The following CCDC66 variants were observed in gnomAD, a reference collection of about 807,000 sequenced individuals.
CCDC66 encodes coiled-coil domain-containing protein 66.
A neutral mutation model predicts 128.3 loss-of-function variants in CCDC66; 133 were observed. The observed-to-expected ratio is 1.04, with a 90% CI of 0.90 to 1.20. CCDC66 has a LOEUF of 1.20. CCDC66 is among the 50% of genes most tolerant of loss of function. CCDC66 has a pLI of 0.00. For missense variants in CCDC66, 1,126 were observed against 1,075.5 expected (o/e 1.05, Z -0.66); for synonymous variants, 387 against 357.0 (o/e 1.08, Z -0.95).
At chr3:56,566,281 C>T (rs2065848941) in intron 4 of CCDC66, among the ~76,000 whole-genome samples, 1 of 152,114 alleles carries the variant, frequency 6.6e-6, no homozygotes, top group South Asian at 2.1e-4. Flanking sequence ...CGTGCCACCA[C>T]ACCTACCTAA....
intron 10 of CCDC66, among the ~76,000 whole-genome samples, chr3:56,597,421 C>T (rs576659782): frequency 3.8e-4 from 57 of 151,924 alleles, no homozygotes; most frequent in Non-Finnish European, 7.4e-4. Flanking sequence ...ATTTTTTCTA[C>T]TTCTGTGAAA....
intron 7 of CCDC66, among the ~76,000 whole-genome samples, chr3:56,586,885 A>G (rs2069862697): frequency 1.3e-5 from 2 of 151,802 alleles, no homozygotes; most frequent in Non-Finnish European, 2.9e-5. Context: ...CCCTGCCTCC[A>G]CAACACAAAA....
At chr3:56,569,055 G>A (rs2066268989) in intron 6 of CCDC66, among the ~76,000 whole-genome samples, 1 of 152,192 alleles carries the variant, frequency 6.6e-6, no homozygotes, top group Admixed American at 6.5e-5. Flanking sequence ...AAAGAGATAA[G>A]CAAGACCAGC....
intron 7 of CCDC66, among the ~76,000 whole-genome samples, chr3:56,581,538 G>T (rs897412347): frequency 4.6e-5 from 7 of 151,904 alleles, no homozygotes; most frequent in South Asian, 2.1e-4. Flanking sequence ...CTCCCCATCT[G>T]TGTGGTTTTA....
intron 7 of CCDC66, among the ~76,000 whole-genome samples, chr3:56,582,098 T>G (rs937792556): frequency 1.3e-5 from 2 of 151,928 alleles, no homozygotes; most frequent in Admixed American, 6.6e-5. Context: ...GTTTACCTAC[T>G]CAAGCCTCAG....
At chr3:56,614,641 TAAAC>T (rs1363913484) in intron 11 of CCDC66, among the ~76,000 whole-genome samples, 7 of 152,224 alleles carry the variant, frequency 4.6e-5, no homozygotes, top group African/African-American at 1.7e-4. Flanking sequence ...TAGAGCACTT[TAAAC>T]ATTTTCTTGC....
intron 10 of CCDC66, among the ~76,000 whole-genome samples, chr3:56,611,213 AGGT>A (rs1359619592): frequency 1.2e-4 from 18 of 152,086 alleles, no homozygotes; most frequent in African/African-American, 4.3e-4. Flanking sequence ...GGTGTGTCTG[AGGT>A]CAGGCTCTCC....
At chr3:56,557,706 C>G in intron 1 of CCDC66, 1 of 170,772 alleles carries the variant, frequency 5.9e-6, no homozygotes, top group South Asian at 1.4e-4. Context: ...CCAGGCTTCT[C>G]AAGAAATCGA....
intron 4 of CCDC66, among the ~76,000 whole-genome samples, chr3:56,565,441 CTTT>C (rs71621823): frequency 5.1e-5 from 7 of 136,688 alleles, no homozygotes; most frequent in Admixed American, 7.3e-5. Context: ...ACCCGGCTAA[CTTT>C]TTTTTTTTTT....
intron 3 of CCDC66, chr3:56,561,068 C>A: frequency 2.4e-6 from 1 of 422,650 alleles, no homozygotes. Flanking sequence ...TTCTCTTTCT[C>A]TATCATATAG....
Position 56,564,257 on chromosome 3 carries a change from T to C in CCDC66, c.544+132T>C. On this transcript the variant is annotated intron_variant, in intron 4 of 17. Coordinates refer to ENST00000394672, the MANE Select transcript of CCDC66 (RefSeq NM_001141947.3). ...ACCTGTCAATCTATTAAAATAATTGTTCTTTTAGAGGACTTTCTCTAATAT... is the reference window on the plus strand; with the variant it reads ...ACCTGTCAATCTATTAAAATAATTGCTCTTTTAGAGGACTTTCTCTAATAT... 4.5e-6 allele frequency: 3 copies of C among 667,112 alleles called. No homozygotes were observed. In the South Asian group the frequency reaches 7.7e-5, roughly 17 times the overall value. 41.3% of individuals were successfully genotyped at this position (667,112 alleles called of 1,614,324 possible).
chr3:56,579,676 C>T (rs1273417201), intron 7 of CCDC66, among the ~76,000 whole-genome samples: 3 of 151,840 alleles, frequency 2.0e-5, no homozygotes, highest in African/African-American at 4.8e-5. Flanking sequence ...ACCCAGTAGT[C>T]ATTCAGGAGC....
chr3:56,613,823 C>A, intron 11 of CCDC66, 73 bp downstream of exon 11: 3 of 1,289,152 alleles, frequency 2.3e-6, no homozygotes, highest in African/African-American at 1.5e-5. Context: ...CTCTTTTGCC[C>A]AGGTTGGAGT....
chr3:56,610,913 T>C (rs2107296105), intron 10 of CCDC66, among the ~76,000 whole-genome samples: 1 of 152,358 alleles, frequency 6.6e-6, no homozygotes, highest in Admixed American at 6.5e-5. Context: ...AGAGTGCTTA[T>C]GTGAACTGTC....
At chr3:56,588,188 G>A (rs2070161761) in intron 7 of CCDC66, among the ~76,000 whole-genome samples, 1 of 152,234 alleles carries the variant, frequency 6.6e-6, no homozygotes, top group Admixed American at 6.5e-5. Context: ...TATTTTAAGT[G>A]AAGTAACTCA....
At chr3:56,558,052 C>G (rs972566997) in intron 1 of CCDC66, 1 of 152,130 alleles carries the variant, frequency 6.6e-6, no homozygotes, top group African/African-American at 2.4e-5. Context: ...AGCCGTAAAA[C>G]CTATTCTTTC....
chr3:56,593,658 C>G lies in CCDC66; in HGVS notation c.1236C>G (p.Thr412=). 1.2e-6 allele frequency: 2 copies of G among 1,614,126 alleles called. No individual in the cohort carries two copies. Among genetic ancestry groups the G allele is most frequent in the African/African-American group, 2.7e-5 (2 of 75,008 alleles). Reference sequence around the variant, plus strand: ...TCAGCAGTGTTTGTACACCTACAACCGGAAGCCAGGTTGAACCTTCAGAGG... The same window carrying G: ...TCAGCAGTGTTTGTACACCTACAACGGGAAGCCAGGTTGAACCTTCAGAGG... ...ADVSSVCTPT[T]GSQVEPSEEE... is the part of the protein sequence containing the mutation. Residue 412 remains threonine, a synonymous_variant, in exon 9 of 18, where the codon ACC becomes ACG. Coordinates refer to ENST00000394672, the MANE Select transcript of CCDC66 (RefSeq NM_001141947.3).
At chr3:56,585,549 T>G (rs2069537071) in intron 7 of CCDC66, among the ~76,000 whole-genome samples, 2 of 151,902 alleles carry the variant, frequency 1.3e-5, no homozygotes, top group East Asian at 3.9e-4. Flanking sequence ...AAAATTAGGT[T>G]GAATGAAAAG....
intron 13 of CCDC66, chr3:56,616,707 T>C (rs1295713299): frequency 1.2e-5 from 2 of 163,256 alleles, no homozygotes; most frequent in Admixed American, 6.3e-5. Flanking sequence ...TGTTTAGCAT[T>C]TTGAGGAACC....
Sources: gnomAD v4.1 joint callset for allele counts (sites outside exome capture counted in the v4.1 genomes callset) on GRCh38, gnomAD v4.1.1 for gene constraint, MANE v1.5 for transcripts, NCBI Gene and HGNC (gene_info 2026-07-23, HGNC 2026-07-21) for gene names.